The following SOX9 variants were observed in gnomAD, a reference collection of about 807,000 sequenced individuals.
The protein encoded by SOX9 is transcription factor SOX-9.
A neutral mutation model predicts 44.8 loss-of-function variants in SOX9; 2 were observed. The ratio of observed to expected loss-of-function variants is 0.04; its 90% CI spans 0.02 to 0.14. The LOEUF (loss-of-function observed/expected upper bound fraction) is 0.14. SOX9 is among the 10% of genes least tolerant of loss of function. The pLI, the probability that SOX9 is intolerant of heterozygous loss-of-function variation, is 1.00. For missense variants in SOX9, 583 were observed against 728.6 expected (o/e 0.80, Z 2.30); for synonymous variants, 381 against 331.8 (o/e 1.15, Z -1.61).
At chr17:72,122,070 T>C (rs1015734468) in intron 1 of SOX9, among the ~76,000 whole-genome samples, 10 of 152,030 alleles carry the variant, frequency 6.6e-5, no homozygotes, top group Admixed American at 6.5e-5. Context: ...AGCTGGAGGA[T>C]GGACGAAGAC....
chr17:72,121,678 A>G lies in SOX9; in HGVS notation c.287A>G (p.Asn96Ser), dbSNP rs148407362. 1.2e-5 allele frequency: 20 copies of G among 1,602,324 alleles called. No homozygotes were observed. Among genetic ancestry groups the G allele is most frequent in the Non-Finnish European group, 1.5e-5 (18 of 1,175,086 alleles). Reference sequence around the variant, plus strand: ...CTGGTGCCCATGCCGGTGCGCGTCAACGGCTCCAGCAAGAACAAGCCGCAC... The same window carrying G: ...CTGGTGCCCATGCCGGTGCGCGTCAGCGGCTCCAGCAAGAACAAGCCGCAC... Reference protein sequence around the residue: ...WTLVPMPVRVNGSSKNKPHVK... With the variant: ...WTLVPMPVRVSGSSKNKPHVK... Residue 96 changes from asparagine (N) to serine (S), a missense_variant, in exon 1 of 3, where the codon AAC becomes AGC. By Grantham distance (46) the Asn-to-Ser change is conservative. Transcript: ENST00000245479. The surrounding 1 kb of genome is among the most constrained non-coding windows in gnomAD (Gnocchi z 8.3).
chr17:72,125,684 TC>T lies in SOX9; in HGVS notation c.*1298del, dbSNP rs1236798138. On this transcript the variant is annotated 3_prime_UTR_variant, in exon 3 of 3. Coordinates refer to ENST00000245479, the MANE Select transcript of SOX9 (RefSeq NM_000346.4). Reference sequence around the variant, plus strand: ...AGTTTTTTTTTATTTATCTCTTTAATCTTTTTTTATTATTAAAAGCAAGTTT... The same window carrying T: ...AGTTTTTTTTTATTTATCTCTTTAATTTTTTTTATTATTAAAAGCAAGTTT... The T allele has an allele frequency of 4.4e-6, 1 of 227,258 alleles. No homozygotes were observed. The highest frequency in any genetic ancestry group is 8.8e-6 in the Non-Finnish European group (1 of 114,176). 14.1% of individuals were successfully genotyped at this position (227,258 alleles called of 1,614,324 possible). A position where few individuals can be genotyped will look rare whatever the true frequency, so the allele number is the denominator to read the frequency against.
In SOX9 at chr17:72,121,321, C is replaced by A; in HGVS notation, c.-71C>A. 1 of 1,405,416 alleles carries A rather than the reference C, an allele frequency of 7.1e-7. No homozygotes were observed. The highest frequency in any genetic ancestry group is 1.0e-6 in the Non-Finnish European group (1 of 1,000,150). The allele number at this position is 1,405,416 out of a possible 1,614,324, so 87.1% of individuals were successfully genotyped here. Reference sequence around the variant, plus strand: ...GGGCAGCCGAGGGGAGAGGAGCCCGCGCCTCGAGTCCCCGAGCCGCCGCGG... The same window carrying A: ...GGGCAGCCGAGGGGAGAGGAGCCCGAGCCTCGAGTCCCCGAGCCGCCGCGG... On this transcript the variant is annotated 5_prime_UTR_variant, in exon 1 of 3. Transcript: ENST00000245479. The surrounding 1 kb of genome is among the most constrained non-coding windows in gnomAD (Gnocchi z 8.3).
chr17:72,123,087 C>G lies in SOX9; in HGVS notation c.685+115C>G. 3.0e-6 allele frequency: 4 copies of G among 1,331,520 alleles called. No individual in the cohort carries two copies. Among genetic ancestry groups the G allele is most frequent in the Non-Finnish European group, 4.2e-6 (4 of 957,500 alleles). 82.5% of individuals were successfully genotyped at this position (1,331,520 alleles called of 1,614,324 possible). ...CTTTATGCTTCCCGGGAGGGACACA[C>G]TGCCCTTTGCGCCCGTCCCGCTCCC... is the stretch of plus-strand genomic sequence containing the variant. On this transcript the variant is annotated intron_variant, in intron 2 of 2. Transcript: ENST00000245479. This position sits in a 1 kb window ranked among gnomAD's most constrained non-coding sequence, Gnocchi z 6.5.
Position 72,125,552 on chromosome 17 carries a change from T to A in SOX9, c.*1165T>A, listed in dbSNP as rs548940372. On this transcript the variant is annotated 3_prime_UTR_variant, in exon 3 of 3. Coordinates refer to ENST00000245479, the MANE Select transcript of SOX9 (RefSeq NM_000346.4). ...AGGTTTTAATTAAAACAAAAAAAAA[T>A]TCTTTTTTTTTTTTTTTTCCAATTT... The A allele has an allele frequency of 3.6e-3, 740 of 206,382 alleles. 9 individuals are homozygous for A. The highest frequency in any genetic ancestry group is 0.021 in the African/African-American group (709 of 34,022). The allele number at this position is 206,382 out of a possible 1,614,324, so 12.8% of individuals were successfully genotyped here. A position where few individuals can be genotyped will look rare whatever the true frequency, so the allele number is the denominator to read the frequency against.
At position 72,123,468 on chromosome 17, in the gene SOX9, C is replaced by G. The variant is rs1367959641; in HGVS notation, c.686-75C>G. ...CACTTTAGCAGCGAGGGAGGGTCCCCGGAGGGTGCCTAAGACTAGGGCGTC... is the reference window on the plus strand; with the variant it reads ...CACTTTAGCAGCGAGGGAGGGTCCCGGGAGGGTGCCTAAGACTAGGGCGTC... On this transcript the variant is annotated intron_variant, in intron 2 of 2. Transcript: ENST00000245479. The surrounding 1 kb of genome is among the most constrained non-coding windows in gnomAD (Gnocchi z 6.5). The G allele has an allele frequency of 1.2e-6, 2 of 1,601,882 alleles. No homozygotes were observed. Among genetic ancestry groups the G allele is most frequent in the Middle Eastern group, 2.1e-4 (1 of 4,842 alleles).
intron 1 of SOX9, 65 bp from the exon 2 acceptor site, chr17:72,122,654 G>A (rs1028320749): frequency 6.4e-7 from 1 of 1,552,968 alleles, no homozygotes; most frequent in Non-Finnish European, 8.7e-7. Flanking sequence ...CGACCTGACA[G>A]TTTGGCGGAT....
At position 72,121,289 on chromosome 17, in the gene SOX9, C is replaced by T; in HGVS notation, c.-103C>T. ...CAGCTTCCCCGGGAGCCGCTTGCTC[C>T]GCATCCGGGCAGCCGAGGGGAGAGG... On this transcript the variant is annotated 5_prime_UTR_variant, in exon 1 of 3. Transcript: ENST00000245479. The surrounding 1 kb of genome is among the most constrained non-coding windows in gnomAD (Gnocchi z 8.3). 3 of 1,099,764 alleles carry T rather than the reference C, an allele frequency of 2.7e-6. No homozygotes were observed. Among genetic ancestry groups the T allele is most frequent in the Non-Finnish European group, 4.0e-6 (3 of 742,386 alleles). The allele number at this position is 1,099,764 out of a possible 1,614,324, so 68.1% of individuals were successfully genotyped here.
rs2143252807 is a variant in SOX9 at position 72,123,816 on chromosome 17, G to A, written c.959G>A (p.Gly320Asp). 6.2e-7 allele frequency: 1 copy of A among 1,611,102 alleles called. No homozygotes were observed. Reference sequence around the variant, plus strand: ...CAGGTCACCTACACGGGCAGCTACGGCATCAGCAGCACCGCGGCCACCCCG... The same window carrying A: ...CAGGTCACCTACACGGGCAGCTACGACATCAGCAGCACCGCGGCCACCCCG... Reference protein sequence around the residue: ...HGQVTYTGSYGISSTAATPAS... With the variant: ...HGQVTYTGSYDISSTAATPAS... The change falls in exon 3 of 3, where the codon GGC becomes GAC. Residue 320 changes from glycine (G) to aspartate (D), a missense_variant. Coordinates refer to ENST00000245479, the MANE Select transcript of SOX9 (RefSeq NM_000346.4). The surrounding 1 kb of genome is among the most constrained non-coding windows in gnomAD (Gnocchi z 6.5).
rs1319508171 is a variant in SOX9 at position 72,123,925 on chromosome 17, G to A, written c.1068G>A (p.Pro356=). The change falls in exon 3 of 3, where the codon CCG becomes CCA. Residue 356 remains proline (P), a synonymous_variant. Transcript: ENST00000245479. The surrounding 1 kb of genome is among the most constrained non-coding windows in gnomAD (Gnocchi z 6.5). ...PQQPPQAPPA[P]QAPPQPQAAP... is the part of the protein sequence containing the mutation. Reference sequence around the variant, plus strand: ...AGCCCCCACAGGCCCCGCCGGCCCCGCAGGCGCCCCCGCAGCCGCAGGCGG... The same window carrying A: ...AGCCCCCACAGGCCCCGCCGGCCCCACAGGCGCCCCCGCAGCCGCAGGCGG... 10 of 1,289,840 alleles carry A rather than the reference G, an allele frequency of 7.8e-6. No individual in the cohort carries two copies. Among genetic ancestry groups the A allele is most frequent in the East Asian group, 6.2e-5 (2 of 32,034 alleles). The allele number at this position is 1,289,840 out of a possible 1,614,324, so 79.9% of individuals were successfully genotyped here.
At position 72,125,213 on chromosome 17, in the gene SOX9, AAAG is replaced by A. The variant is rs1908245999; in HGVS notation, c.*831_*833del. On this transcript the variant is annotated 3_prime_UTR_variant, in exon 3 of 3. Coordinates refer to ENST00000245479, the MANE Select transcript of SOX9 (RefSeq NM_000346.4). ...AAGCTTTATCATATATATATTTTTT[AAAG>A]AAGAGAAAAACACCTTGAGCCTTAA... 8.8e-6 allele frequency: 2 copies of A among 227,136 alleles called. No homozygotes were observed. Among genetic ancestry groups the A allele is most frequent in the Admixed American group, 1.1e-4 (2 of 17,526 alleles). 14.1% of individuals were successfully genotyped at this position (227,136 alleles called of 1,614,324 possible). A position where few individuals can be genotyped will look rare whatever the true frequency, so the allele number is the denominator to read the frequency against.
chr17:72,123,841 G>A lies in SOX9; in HGVS notation c.984G>A (p.Pro328=), dbSNP rs762132069. The change falls in exon 3 of 3, where the codon CCG becomes CCA. Residue 328 remains proline, a synonymous_variant. Coordinates refer to ENST00000245479, the MANE Select transcript of SOX9 (RefSeq NM_000346.4). The surrounding 1 kb of genome is among the most constrained non-coding windows in gnomAD (Gnocchi z 6.5). ...GCATCAGCAGCACCGCGGCCACCCC[G>A]GCGAGCGCGGGCCACGTGTGGATGT... ...SYGISSTAAT[P]ASAGHVWMSK... is the part of the protein sequence containing the mutation. 1.4e-5 allele frequency: 22 copies of A among 1,598,050 alleles called. No individual in the cohort carries two copies. In the Admixed American group the frequency reaches 1.5e-4, roughly 11 times the overall value.
At position 72,124,086 on chromosome 17, in the gene SOX9, A is replaced by T. The variant is rs1420807868; in HGVS notation, c.1229A>T (p.Gln410Leu). ...EQLSPSHYSE[Q>L]QQHSPQQIAY... ...CTGAGCCCCAGCCACTACAGCGAGC[A>T]GCAGCAGCACTCGCCCCAACAGATC... Residue 410 changes from glutamine (Q) to leucine (L), a missense_variant, in exon 3 of 3, where the codon CAG (glutamine) becomes CTG (leucine). By Grantham distance (113) the Gln-to-Leu change is moderately radical. Transcript: ENST00000245479. This position sits in a 1 kb window ranked among gnomAD's most constrained non-coding sequence, Gnocchi z 4.6. 6.2e-7 allele frequency: 1 copy of T among 1,613,656 alleles called. No homozygotes were observed. The highest frequency in any genetic ancestry group is 2.2e-5 in the East Asian group (1 of 44,876).
Position 72,124,175 on chromosome 17 carries a change from TACG to T in SOX9, c.1321_1323del (p.Asp441del). On this transcript the variant is annotated inframe_deletion, in exon 3 of 3. Transcript: ENST00000245479. The surrounding 1 kb of genome is among the most constrained non-coding windows in gnomAD (Gnocchi z 4.6). Reference sequence around the variant, plus strand: ...CTACCCGCCCATCACCCGCTCACAGTACGACTACACCGACCACCAGAACTCCAG... The same window carrying T: ...CTACCCGCCCATCACCCGCTCACAGTACTACACCGACCACCAGAACTCCAG... The T allele has an allele frequency of 1.2e-6, 2 of 1,613,686 alleles. No individual in the cohort carries two copies. Among genetic ancestry groups the T allele is most frequent in the Non-Finnish European group, 1.7e-6 (2 of 1,179,980 alleles).
At position 72,121,944 on chromosome 17, in the gene SOX9, G is replaced by C; in HGVS notation, c.431+122G>C. Reference sequence around the variant, plus strand: ...GGAGTTGCCGTTCCGGGAGCCGGCGGGATGGGGTTGGGAGTGGGAATGGGG... The same window carrying C: ...GGAGTTGCCGTTCCGGGAGCCGGCGCGATGGGGTTGGGAGTGGGAATGGGG... On this transcript the variant is annotated intron_variant, in intron 1 of 2. Coordinates refer to ENST00000245479, the MANE Select transcript of SOX9 (RefSeq NM_000346.4). This position sits in a 1 kb window ranked among gnomAD's most constrained non-coding sequence, Gnocchi z 8.3. The C allele has an allele frequency of 8.0e-7, 1 of 1,248,926 alleles. No homozygotes were observed. Among genetic ancestry groups the C allele is most frequent in the South Asian group, 1.6e-5 (1 of 64,258 alleles). 77.4% of individuals were successfully genotyped at this position (1,248,926 alleles called of 1,614,324 possible).
At position 72,123,974 on chromosome 17, in the gene SOX9, C is replaced by T. The variant is rs1230986531; in HGVS notation, c.1117C>T (p.Pro373Ser). 5.3e-6 allele frequency: 8 copies of T among 1,507,672 alleles called. No individual in the cohort carries two copies. The highest frequency in any genetic ancestry group is 7.1e-6 in the Non-Finnish European group (8 of 1,131,604). 93.4% of individuals were successfully genotyped at this position (1,507,672 alleles called of 1,614,324 possible). The change falls in exon 3 of 3, where the codon CCC becomes TCC. Residue 373 changes from proline (P) to serine (S), a missense_variant. Pro to Ser is a moderately conservative substitution (Grantham distance 74). This residue lies in a region of SOX9 where 349 missense variants were observed against 387.0 expected (regional missense o/e 0.90). Transcript: ENST00000245479. The surrounding 1 kb of genome is among the most constrained non-coding windows in gnomAD (Gnocchi z 6.5). ...GGCGCCCCCACAGCAGCCGGCGGCACCCCCGCAGCAGCCACAGGCGCACAC... is the reference window on the plus strand; with the variant it reads ...GGCGCCCCCACAGCAGCCGGCGGCATCCCCGCAGCAGCCACAGGCGCACAC... The part of the protein sequence containing the change: ...QAAPPQQPAA[P>S]PQQPQAHTLT...
At position 72,124,451 on chromosome 17, in the gene SOX9, G is replaced by A. The variant is rs970767444; in HGVS notation, c.*64G>A. On this transcript the variant is annotated 3_prime_UTR_variant, in exon 3 of 3. Transcript: ENST00000245479. The surrounding 1 kb of genome is among the most constrained non-coding windows in gnomAD (Gnocchi z 4.6). Reference sequence around the variant, plus strand: ...CCTAAAAATAACCGAAGAAAGAGAGGACCAACCAGAATTCCCTTTGGACAT... The same window carrying A: ...CCTAAAAATAACCGAAGAAAGAGAGAACCAACCAGAATTCCCTTTGGACAT... 1 of 1,557,556 alleles carries A rather than the reference G, an allele frequency of 6.4e-7. No homozygotes were observed. The highest frequency in any genetic ancestry group is 8.8e-7 in the Non-Finnish European group (1 of 1,141,594).
Position 72,121,519 on chromosome 17 carries a change from C to T in SOX9, c.128C>T (p.Thr43Ile), listed in dbSNP as rs780529883. The change falls in exon 1 of 3, where the codon ACC becomes ATC. Residue 43 changes from threonine (T) to isoleucine (I), a missense_variant. By Grantham distance (89) the Thr-to-Ile change is moderately conservative. Around this residue, in one of 7 missense-constraint regions of SOX9, gnomAD observed 101 missense variants for 98.6 expected, o/e 1.02. Transcript: ENST00000245479. The surrounding 1 kb of genome is among the most constrained non-coding windows in gnomAD (Gnocchi z 8.3). ...TGCCCGTCGGGCTCCGGCTCGGACA[C>T]CGAGAACACGCGGCCCCAGGAGAAC... The part of the protein sequence containing the change: ...SPCPSGSGSD[T>I]ENTRPQENTF... 5 of 1,609,694 alleles carry T rather than the reference C, an allele frequency of 3.1e-6. No homozygotes were observed. The highest frequency in any genetic ancestry group is 1.7e-5 in the Admixed American group (1 of 59,600).
rs1049629408 is a variant in SOX9 at position 72,123,265 on chromosome 17, C to T, written c.686-278C>T. On this transcript the variant is annotated intron_variant, in intron 2 of 2. Transcript: ENST00000245479. This position sits in a 1 kb window ranked among gnomAD's most constrained non-coding sequence, Gnocchi z 6.5. ...AGACCTCTCCCTTCTTCTCTGCTCC[C>T]CCACCCCAAAAGCACACACAGGGCT... Among the ~76,000 whole-genome samples, 2 of 152,244 alleles carry T rather than the reference C, an allele frequency of 1.3e-5. No homozygotes were observed. Among genetic ancestry groups the T allele is most frequent in the African/African-American group, 2.4e-5 (1 of 41,468 alleles).
Sources: allele counts gnomAD v4.1 joint callset (sites outside exome capture counted in the v4.1 genomes callset), GRCh38; gene constraint gnomAD v4.1.1; regional missense constraint gnomAD v4.1.1; non-coding constraint Gnocchi (gnomAD v3.1); transcripts MANE v1.5; gene names NCBI Gene and HGNC (gene_info 2026-07-23, HGNC 2026-07-21).